RIT2: variants seen among roughly 807,000 people sequenced by gnomAD.
RIT2 encodes Ras like without CAAX 2, also known as GTP-binding protein Rit2.
In RIT2, 24 loss-of-function variants were observed where a neutral mutation model predicts 23.7. The ratio of observed to expected loss-of-function variants is 1.01; its 90% CI spans 0.73 to 1.43. The LOEUF (loss-of-function observed/expected upper bound fraction) is 1.43. RIT2 is among the 40% of genes most tolerant of loss of function. The pLI, the probability that RIT2 is intolerant of heterozygous loss-of-function variation, is 0.00. For missense variants in RIT2, 236 were observed against 266.9 expected (o/e 0.88, Z 0.81); for synonymous variants, 107 against 91.1 (o/e 1.17, Z -0.99).
At chr18:42,769,921 AT>A (rs1462936289) in intron 4 of RIT2, among the ~76,000 whole-genome samples, 1 of 151,626 alleles carries the variant, frequency 6.6e-6, no homozygotes, top group Non-Finnish European at 1.5e-5. Flanking sequence ...CAATGGGAGA[AT>A]GAGTGAACCT....
At chr18:43,069,357 G>A (rs1166649425) in intron 1 of RIT2, among the ~76,000 whole-genome samples, 1 of 151,990 alleles carries the variant, frequency 6.6e-6, no homozygotes, top group East Asian at 1.9e-4. Flanking sequence ...TTTACACTGT[G>A]GACTCGCTCT....
At chr18:43,110,536 C>G (rs1226412489) in intron 1 of RIT2, among the ~76,000 whole-genome samples, 1 of 152,002 alleles carries the variant, frequency 6.6e-6, no homozygotes, top group Non-Finnish European at 1.5e-5. Flanking sequence ...TGTTTAGGCT[C>G]CATAAAACTT....
At position 42,923,599 on chromosome 18, in the gene RIT2, G is replaced by C; in HGVS notation, c.399C>G (p.Asn133Lys). ...GGCGGAACTGTTCCAGATCAATTTT[G>C]TTACCCACCAGCACCAGGGGAATTT... ...TYEIPLVLVG[N>K]KIDLEQFRQV... The change falls in exon 4 of 5, where the codon AAC becomes AAG. Residue 133 changes from asparagine to lysine, a missense_variant. Physicochemically the swap from Asn to Lys is moderately conservative, Grantham distance 94. Transcript: ENST00000326695. The C allele has an allele frequency of 1.9e-6, 3 of 1,613,298 alleles. No homozygotes were observed. The highest frequency in any genetic ancestry group is 2.5e-6 in the Non-Finnish European group (3 of 1,179,562).
intron 4 of RIT2, among the ~76,000 whole-genome samples, chr18:42,838,201 A>G (rs956190593): frequency 6.6e-6 from 1 of 152,102 alleles, no homozygotes; most frequent in Non-Finnish European, 1.5e-5. Context: ...GAGTTTGTGC[A>G]TATGTTTTTT....
intron 1 of RIT2, among the ~76,000 whole-genome samples, chr18:43,046,947 G>A (rs975984070): frequency 6.6e-6 from 1 of 152,130 alleles, no homozygotes; most frequent in Admixed American, 6.5e-5. Context: ...ATTTTCAAGT[G>A]TTTAGTGTGA....
intron 4 of RIT2, among the ~76,000 whole-genome samples, chr18:42,838,888 C>T (rs935294526): frequency 1.3e-5 from 2 of 152,164 alleles, no homozygotes; most frequent in African/African-American, 4.8e-5. Flanking sequence ...TTGAAACTGG[C>T]ATGCACAATT....
intron 2 of RIT2, among the ~76,000 whole-genome samples, chr18:42,997,711 C>T (rs1272947012): frequency 6.6e-6 from 1 of 151,934 alleles, no homozygotes; most frequent in Admixed American, 6.6e-5. Flanking sequence ...CTCTCACATA[C>T]TACAATGTAA....
intron 4 of RIT2, among the ~76,000 whole-genome samples, chr18:42,858,051 C>T (rs973936686): frequency 2.6e-5 from 4 of 151,934 alleles, no homozygotes; most frequent in East Asian, 1.9e-4. Context: ...CATGGTGGCG[C>T]GCGCCTGTAA....
At chr18:42,942,154 G>C (rs1454201918) in intron 3 of RIT2, among the ~76,000 whole-genome samples, 1 of 150,696 alleles carries the variant, frequency 6.6e-6, no homozygotes. Flanking sequence ...TTTGCCCTTT[G>C]CCTTTTCAAA....
At chr18:42,942,014 T>C (rs1909614536) in intron 3 of RIT2, among the ~76,000 whole-genome samples, 1 of 152,120 alleles carries the variant, frequency 6.6e-6, no homozygotes, top group African/African-American at 2.4e-5. Context: ...GATAAGTGAT[T>C]ATTTTACTGG....
At chr18:42,851,647 C>T (rs372116120) in intron 4 of RIT2, among the ~76,000 whole-genome samples, 2 of 151,990 alleles carry the variant, frequency 1.3e-5, no homozygotes, top group African/African-American at 4.8e-5. Flanking sequence ...GTCAGGAGAT[C>T]GAGACCATCC....
intron 4 of RIT2, among the ~76,000 whole-genome samples, chr18:42,831,125 A>G (rs910260152): frequency 1.3e-5 from 2 of 152,226 alleles, no homozygotes; most frequent in African/African-American, 4.8e-5. Context: ...CCCTGGGACT[A>G]ACTAATTATC....
At chr18:42,955,265 G>C (rs1413656367) in intron 3 of RIT2, among the ~76,000 whole-genome samples, 14 of 152,182 alleles carry the variant, frequency 9.2e-5, no homozygotes, top group Admixed American at 9.2e-4. Flanking sequence ...ATTGTATGCA[G>C]AAGAGCAGAC....
chr18:42,790,495 T>C (rs1216312309), intron 4 of RIT2, among the ~76,000 whole-genome samples: 1 of 152,238 alleles, frequency 6.6e-6, no homozygotes, highest in Non-Finnish European at 1.5e-5. Flanking sequence ...TAGGCCGGAA[T>C]GCAGTGGCGC....
At chr18:42,764,412 T>C (rs748572099) in intron 4 of RIT2, among the ~76,000 whole-genome samples, 1 of 152,232 alleles carries the variant, frequency 6.6e-6, no homozygotes, top group Non-Finnish European at 1.5e-5. Context: ...TTCACCCAGA[T>C]GCTAACCACC....
intron 1 of RIT2, 89 bp downstream of exon 1, chr18:43,115,328 A>T: frequency 6.6e-7 from 1 of 1,524,286 alleles, no homozygotes; most frequent in Admixed American, 1.9e-5. Flanking sequence ...TTCACCTCTA[A>T]CAGCATCAGC....
intron 3 of RIT2, among the ~76,000 whole-genome samples, chr18:42,938,446 GA>G (rs1469191769): frequency 6.6e-6 from 1 of 152,140 alleles, no homozygotes; most frequent in Non-Finnish European, 1.5e-5. Flanking sequence ...TAGAGTTTAA[GA>G]CATGTGGTAC....
intron 3 of RIT2, among the ~76,000 whole-genome samples, chr18:42,928,913 G>A (rs1237898826): frequency 6.6e-6 from 1 of 151,002 alleles, no homozygotes; most frequent in African/African-American, 2.4e-5. Context: ...ATTTTATCAT[G>A]GAATACTGCT....
At chr18:43,087,620 T>A (rs1489707440) in intron 1 of RIT2, among the ~76,000 whole-genome samples, 2 of 152,232 alleles carry the variant, frequency 1.3e-5, no homozygotes, top group Non-Finnish European at 2.9e-5. Flanking sequence ...CACAGGTCAT[T>A]TTATTTCAAA....
Sources: allele counts gnomAD v4.1 joint callset (sites outside exome capture counted in the v4.1 genomes callset), GRCh38; gene constraint gnomAD v4.1.1; transcripts MANE v1.5; gene names NCBI Gene and HGNC (gene_info 2026-07-23, HGNC 2026-07-21).